Variants in SMIM43 observed in about 807,000 individuals in gnomAD.
The protein encoded by SMIM43 is small integral membrane protein 43.
intron 5 of SMIM43, 60 bp from the exon 6 acceptor site, chr4:121,760,534 G>C (rs2110521717): frequency 6.8e-7 from 1 of 1,462,384 alleles, no homozygotes; most frequent in African/African-American, 1.4e-5. Flanking sequence ...ACACCCGTGA[G>C]CTGCTGAACC....
At chr4:121,761,946 T>C (rs1726096423) in intron 3 of SMIM43, 54 bp from the exon 4 acceptor site, 4 of 1,413,394 alleles carry the variant, frequency 2.8e-6, no homozygotes, top group Non-Finnish European at 2.9e-6. Flanking sequence ...AATACAAATA[T>C]TACATAATAG....
intron 1 of SMIM43, chr4:121,764,478 T>G (rs1726242846): frequency 6.4e-6 from 1 of 156,960 alleles, no homozygotes; most frequent in Admixed American, 6.5e-5. Context: ...GATATTCAGG[T>G]TAACCTGCGA....
chr4:121,764,361 C>T (rs1578481142), intron 1 of SMIM43: 1 of 152,188 alleles, frequency 6.6e-6, no homozygotes, highest in Non-Finnish European at 1.5e-5. Context: ...CATTTACCAT[C>T]TCTCAAAGCG....
In SMIM43 at chr4:121,759,108, G is replaced by A. The variant is rs969919733; in HGVS notation, c.*1866C>T. The A allele has an allele frequency of 2.6e-5, 4 of 152,180 alleles. No individual in the cohort carries two copies. The highest frequency in any genetic ancestry group is 9.6e-5 in the African/African-American group (4 of 41,454). 9.4% of individuals were successfully genotyped at this position (152,180 alleles called of 1,614,324 possible). On this transcript the variant is annotated 3_prime_UTR_variant, in exon 6 of 6. Transcript: ENST00000643802. ...AATCTCTGCTGAGTCACTCTGACTA[G>A]GAACACATAATAGTCACTAGGAAGG...
chr4:121,761,967 C>T (rs1726097628), intron 3 of SMIM43, 75 bp from the exon 4 acceptor site: 2 of 1,256,598 alleles, frequency 1.6e-6, no homozygotes, highest in Non-Finnish European at 2.2e-6. Context: ...AATTATGGCT[C>T]ATTTCCTTAT....
At chr4:121,765,334 G>A, upstream of SMIM43, 2 of 334,750 alleles carry the variant, frequency 6.0e-6, no homozygotes, top group East Asian at 9.1e-5. Flanking sequence ...AAAGCCTTCC[G>A]CTTCGCCGAG....
rs180877826 is a variant in SMIM43, at chr4:121,760,978, G to A, written c.*500-504C>T. On this transcript the variant is annotated intron_variant, in intron 5 of 5. Transcript: ENST00000643802. ...TAAGTTCTGATTACTGGGTCTGAAC[G>A]CCCTTCTGATAATCCACCTTCCGGT... is the stretch of plus-strand genomic sequence containing the variant. Among the ~76,000 whole-genome samples, 222 of 152,126 alleles carry A rather than the reference G, an allele frequency of 1.5e-3. No individual in the cohort carries two copies. The Middle Eastern group carries it at 0.02, about 14-fold the overall frequency.
In SMIM43 at chr4:121,761,662, C is replaced by T; in HGVS notation, c.*375G>A. 1 of 1,613,532 alleles carries T rather than the reference C, an allele frequency of 6.2e-7. No homozygotes were observed. The highest frequency in any genetic ancestry group is 2.2e-5 in the East Asian group (1 of 44,866). ...TCTCTCTTATTCTGTAGAATCGCAC[C>T]AGATGGCATCAGTTCTGCATCTACA... On this transcript the variant is annotated 3_prime_UTR_variant, in exon 5 of 6. Coordinates refer to ENST00000643802, the MANE Select transcript of SMIM43 (RefSeq NM_001384332.1).
Position 121,759,452 on chromosome 4 carries a change from G to T in SMIM43, c.*1522C>A, listed in dbSNP as rs1409898321. 6.6e-6 allele frequency: 1 copy of T among 152,096 alleles called. No homozygotes were observed. Among genetic ancestry groups the T allele is most frequent in the African/African-American group, 2.4e-5 (1 of 41,426 alleles). The allele number at this position is 152,096 out of a possible 1,614,324, so 9.4% of individuals were successfully genotyped here. ...ACACAATAGCTAGTAGCCCCATTTG[G>T]CTATCTGAATTTAAATTAATTACAA... On this transcript the variant is annotated 3_prime_UTR_variant, in exon 6 of 6. Coordinates refer to ENST00000643802, the MANE Select transcript of SMIM43 (RefSeq NM_001384332.1).
Position 121,760,352 on chromosome 4 carries a change from GC to G in SMIM43, c.*621del. On this transcript the variant is annotated 3_prime_UTR_variant, in exon 6 of 6. Transcript: ENST00000643802. Reference sequence around the variant, plus strand: ...CACAGTTCTGGCCAATGAGATGAAGGCAAAAGTTATTGGGCTGCTGAGGAAG... The same window carrying G: ...CACAGTTCTGGCCAATGAGATGAAGGAAAAGTTATTGGGCTGCTGAGGAAG... The G allele has an allele frequency of 1.2e-6, 2 of 1,613,698 alleles. No individual in the cohort carries two copies. The highest frequency in any genetic ancestry group is 1.7e-6 in the Non-Finnish European group (2 of 1,179,828).
In SMIM43 at chr4:121,761,699, A is replaced by T; in HGVS notation, c.*342-4T>A. ...GTTCTGCATCTACAGCTGTGCCCTAAAATTGAAGTTCAGACATAGGAATCT... is the reference window on the plus strand; with the variant it reads ...GTTCTGCATCTACAGCTGTGCCCTATAATTGAAGTTCAGACATAGGAATCT... On this transcript the variant is annotated splice_region_variant and splice_polypyrimidine_tract_variant and intron_variant, in intron 4 of 5. Coordinates refer to ENST00000643802, the MANE Select transcript of SMIM43 (RefSeq NM_001384332.1). The T allele has an allele frequency of 6.2e-7, 1 of 1,611,082 alleles. No homozygotes were observed. Among genetic ancestry groups the T allele is most frequent in the Non-Finnish European group, 8.5e-7 (1 of 1,179,390 alleles).
At position 121,759,609 on chromosome 4, in the gene SMIM43, C is replaced by A. The variant is rs1207107735; in HGVS notation, c.*1365G>T. The A allele has an allele frequency of 6.6e-6, 1 of 152,168 alleles. No individual in the cohort carries two copies. The highest frequency in any genetic ancestry group is 1.5e-5 in the Non-Finnish European group (1 of 68,040). 9.4% of individuals were successfully genotyped at this position (152,168 alleles called of 1,614,324 possible). ...AACATTTCTGTCATCACAGAAAGTT[C>A]TTTTAGACAGCCCTAGATGTGGGAA... is the stretch of plus-strand genomic sequence containing the variant. On this transcript the variant is annotated 3_prime_UTR_variant, in exon 6 of 6. Coordinates refer to ENST00000643802, the MANE Select transcript of SMIM43 (RefSeq NM_001384332.1).
rs932853298 is a variant in SMIM43, at chr4:121,759,327, A to G, written c.*1647T>C. On this transcript the variant is annotated 3_prime_UTR_variant, in exon 6 of 6. Coordinates refer to ENST00000643802, the MANE Select transcript of SMIM43 (RefSeq NM_001384332.1). ...GGAGACAAATTCAATGGCAAGCTAG[A>G]ATAGTGAAGACCAGGGGATACCAAG... 6.6e-6 allele frequency: 1 copy of G among 152,224 alleles called. No homozygotes were observed. The highest frequency in any genetic ancestry group is 1.5e-5 in the Non-Finnish European group (1 of 68,038). 9.4% of individuals were successfully genotyped at this position (152,224 alleles called of 1,614,324 possible). A position where few individuals can be genotyped will look rare whatever the true frequency, so the allele number is the denominator to read the frequency against.
At chr4:121,762,328 G>C (rs1726115400) in intron 3 of SMIM43, among the ~76,000 whole-genome samples, 1 of 152,104 alleles carries the variant, frequency 6.6e-6, no homozygotes, top group Non-Finnish European at 1.5e-5. Context: ...TCTAATTTGA[G>C]AGATCAGTCT....
intron 5 of SMIM43, among the ~76,000 whole-genome samples, chr4:121,761,127 A>C (rs957303880): frequency 2.6e-4 from 40 of 152,042 alleles, no homozygotes; most frequent in Non-Finnish European, 4.3e-4. Flanking sequence ...TTCAAACAAA[A>C]AAAAAAAACT....
Position 121,761,519 on chromosome 4 carries a change from T to G in SMIM43, c.*499+19A>C, listed in dbSNP as rs1427377224. The G allele has an allele frequency of 6.4e-7, 1 of 1,566,334 alleles. No homozygotes were observed. Among genetic ancestry groups the G allele is most frequent in the Non-Finnish European group, 8.6e-7 (1 of 1,157,984 alleles). On this transcript the variant is annotated intron_variant, in intron 5 of 5. Coordinates refer to ENST00000643802, the MANE Select transcript of SMIM43 (RefSeq NM_001384332.1). ...AGAATGTCAAACTAAAAATAGAGTATTTCATATTTTTTACTCACCTAGTTC... is the reference window on the plus strand; with the variant it reads ...AGAATGTCAAACTAAAAATAGAGTAGTTCATATTTTTTACTCACCTAGTTC...
chr4:121,760,412 C>T lies in SMIM43; in HGVS notation c.*562G>A, dbSNP rs763877891. On this transcript the variant is annotated 3_prime_UTR_variant, in exon 6 of 6. Transcript: ENST00000643802. ...AAGGAAGTGGATTTGAACTGGCATG[C>T]CCCGTTTTCTCTGTGGGCTTCCTCC... 1 of 1,572,402 alleles carries T rather than the reference C, an allele frequency of 6.4e-7. No individual in the cohort carries two copies. The highest frequency in any genetic ancestry group is 1.9e-5 in the Admixed American group (1 of 53,410).
chr4:121,761,862 TC>T lies in SMIM43; in HGVS notation c.*308del. ...GAAATTAGTGCAACAGCCAAGATTG[TC>T]CTGATAAGATCTGAAGCCATTTTGA... is the stretch of plus-strand genomic sequence containing the variant. On this transcript the variant is annotated 3_prime_UTR_variant, in exon 4 of 6. Coordinates refer to ENST00000643802, the MANE Select transcript of SMIM43 (RefSeq NM_001384332.1). The T allele has an allele frequency of 1.2e-6, 2 of 1,612,674 alleles. No homozygotes were observed. Among genetic ancestry groups the T allele is most frequent in the South Asian group, 2.2e-5 (2 of 90,478 alleles).
chr4:121,761,479 C>A (rs1726057883), intron 5 of SMIM43, 59 bp downstream of exon 5: 37 of 1,494,900 alleles, frequency 2.5e-5, no homozygotes, highest in Non-Finnish European at 3.2e-5. Context: ...AAACTATAGA[C>A]AAAATTGGAA....
Sources: gnomAD v4.1 joint callset for allele counts (sites outside exome capture counted in the v4.1 genomes callset) on GRCh38, gnomAD v4.1.1 for gene constraint, MANE v1.5 for transcripts, NCBI Gene and HGNC (gene_info 2026-07-23, HGNC 2026-07-21) for gene names.